Variants in HDAC9 observed in about 807,000 individuals in gnomAD.
The protein encoded by HDAC9 is MEF-2 interacting transcription repressor (MITR) protein.
HDAC9 carries 41 observed loss-of-function variants against 139.4 expected under a neutral mutation model. The ratio of observed to expected loss-of-function variants is 0.29; its 90% CI spans 0.23 to 0.38. The LOEUF is 0.38. Ranked by LOEUF, HDAC9 falls within the 10% of genes least tolerant of loss-of-function variation. The pLI, the probability that HDAC9 is intolerant of heterozygous loss-of-function variation, is 1.00. For synonymous variants in HDAC9, 517 were observed against 476.2 expected (o/e 1.09, Z -1.12); for missense variants, 1,147 against 1,297.0 (o/e 0.88, Z 1.78).
At chr7:18,492,218 A>G (rs994254835), upstream of HDAC9, among the ~76,000 whole-genome samples, 9 of 151,902 alleles carry the variant, frequency 5.9e-5, no homozygotes, top group Non-Finnish European at 1.0e-4. Context: ...AGGGATTTAG[A>G]CCTTAGGGAT....
intron 22 of HDAC9, among the ~76,000 whole-genome samples, chr7:18,891,360 A>T (rs1007756339): frequency 6.6e-6 from 1 of 152,166 alleles, no homozygotes; most frequent in Admixed American, 6.5e-5. Flanking sequence ...GCTACTTGGG[A>T]TGGTTCCAGG....
rs920003772 is a variant in HDAC9, at chr7:18,845,133, T to C, written c.2684+9136T>C. ...GTTAATATATACTATTTAGTTTGGT[T>C]TTTTGAGGGTGTGACAATTAATACA... On this transcript the variant is annotated intron_variant, in intron 21 of 25. Transcript: ENST00000686413. Among the ~76,000 whole-genome samples the C allele has an allele frequency of 3.3e-5, 5 of 152,268 alleles. No homozygotes were observed. In the East Asian group the frequency reaches 9.6e-4, roughly 29 times the overall value.
chr7:18,904,689 C>A (rs1196450961), intron 22 of HDAC9, among the ~76,000 whole-genome samples: 1 of 150,748 alleles, frequency 6.6e-6, no homozygotes, highest in Non-Finnish European at 1.5e-5. Context: ...CATTCTCCTG[C>A]CTCAGCCTTC....
At chr7:18,909,155 G>C (rs990657957) in intron 22 of HDAC9, among the ~76,000 whole-genome samples, 2 of 151,984 alleles carry the variant, frequency 1.3e-5, no homozygotes, top group African/African-American at 4.8e-5. Context: ...GGGAGGTTGA[G>C]AATATTTTCA....
intron 19 of HDAC9, among the ~76,000 whole-genome samples, chr7:18,829,772 G>T (rs184137413): frequency 6.6e-6 from 1 of 152,192 alleles, no homozygotes; most frequent in African/African-American, 2.4e-5. Context: ...AGAAGAAGGC[G>T]CAGATCAGGG....
At chr7:18,127,515 C>G (rs1014357287) in intron 1 of HDAC9, among the ~76,000 whole-genome samples, 1 of 152,020 alleles carries the variant, frequency 6.6e-6, no homozygotes, top group African/African-American at 2.4e-5. Context: ...TGCAGTTTAC[C>G]TGCTCAGGTA....
chr7:18,698,268 G>T (rs1783201638), intron 12 of HDAC9, among the ~76,000 whole-genome samples: 1 of 152,064 alleles, frequency 6.6e-6, no homozygotes, highest in Non-Finnish European at 1.5e-5. Context: ...CATTCTTAAT[G>T]CTCTAAAACG....
rs926451062 is a variant in HDAC9 at position 18,998,879 on chromosome 7, C to T, written c.*2817C>T. On this transcript the variant is annotated 3_prime_UTR_variant, in exon 26 of 26. Transcript: ENST00000686413. ...ACTAGGAATTTAATAAGCTGTCAAACGTAGGTATAAAAAGAAGGCTTAAAA... is the reference window on the plus strand; with the variant it reads ...ACTAGGAATTTAATAAGCTGTCAAATGTAGGTATAAAAAGAAGGCTTAAAA... The T allele has an allele frequency of 1.3e-5, 2 of 151,982 alleles. No homozygotes were observed. Among genetic ancestry groups the T allele is most frequent in the Non-Finnish European group, 2.9e-5 (2 of 68,004 alleles). The allele number at this position is 151,982 out of a possible 1,614,324, so 9.4% of individuals were successfully genotyped here.
chr7:18,310,809 T>TACACACACACAC (rs71847714), intron 1 of HDAC9, among the ~76,000 whole-genome samples: 1 of 143,132 alleles, frequency 7.0e-6, no homozygotes. Flanking sequence ...ACAAATCCAT[T>TACACACACACAC]ACACACACAC....
In HDAC9 at chr7:18,813,658, T is replaced by C. The variant is rs188804085; in HGVS notation, c.2323-15503T>C. ...AGAAAGGGATAAATCTTGGCAGTTA[T>C]ACATTTACTTTGTGGGAAACTACCT... On this transcript the variant is annotated intron_variant, in intron 17 of 25. Coordinates refer to ENST00000686413, the MANE Select transcript of HDAC9 (RefSeq NM_178425.4). Among the ~76,000 whole-genome samples the C allele has an allele frequency of 1.4e-4, 22 of 152,318 alleles. No homozygotes were observed. The East Asian group carries it at 3.3e-3, about 23-fold the overall frequency.
chr7:18,907,514 C>A (rs994812755), intron 22 of HDAC9, among the ~76,000 whole-genome samples: 4 of 152,200 alleles, frequency 2.6e-5, no homozygotes, highest in Admixed American at 6.5e-5. Context: ...TGTAAGAATT[C>A]CCTGCAGATT....
At chr7:18,306,700 T>C (rs527274858) in intron 1 of HDAC9, among the ~76,000 whole-genome samples, 7 of 152,328 alleles carry the variant, frequency 4.6e-5, no homozygotes, top group Admixed American at 2.6e-4. Context: ...ATATTCATGC[T>C]GGCAGGATTA....
At chr7:18,824,698 T>C (rs531561370) in intron 17 of HDAC9, among the ~76,000 whole-genome samples, 2 of 152,260 alleles carry the variant, frequency 1.3e-5, no homozygotes, top group Admixed American at 6.5e-5. Context: ...TGGAATCATA[T>C]AGTGAGAGCT....
intron 3 of HDAC9, among the ~76,000 whole-genome samples, chr7:18,585,814 C>A (rs536558658): frequency 2.0e-5 from 3 of 152,052 alleles, no homozygotes; most frequent in Admixed American, 2.0e-4. Context: ...TGTTCATTTG[C>A]CCCATCTGCT....
intron 2 of HDAC9, among the ~76,000 whole-genome samples, chr7:18,565,407 T>C (rs535934478): frequency 4.6e-5 from 7 of 152,348 alleles, no homozygotes; most frequent in Admixed American, 3.3e-4. Context: ...AATTTTTTCC[T>C]CAGCATCTTA....
chr7:18,533,220 A>G (rs1586749371), intron 2 of HDAC9, among the ~76,000 whole-genome samples: 2 of 152,056 alleles, frequency 1.3e-5, no homozygotes, highest in African/African-American at 4.8e-5. Flanking sequence ...AATATTTTCC[A>G]CACCTGCAGC....
chr7:18,604,846 T>A (rs1346785529), intron 6 of HDAC9, among the ~76,000 whole-genome samples: 1 of 152,206 alleles, frequency 6.6e-6, no homozygotes, highest in Non-Finnish European at 1.5e-5. Context: ...CATACTACTT[T>A]TAGTTCCTTT....
intron 2 of HDAC9, among the ~76,000 whole-genome samples, chr7:18,240,201 C>A (rs1458218560): frequency 1.3e-5 from 2 of 152,228 alleles, no homozygotes; most frequent in East Asian, 3.9e-4. Context: ...ACAATTAAAA[C>A]CACCATGGTA....
chr7:18,159,321 G>T (rs752397751), intron 1 of HDAC9, among the ~76,000 whole-genome samples: 20 of 151,940 alleles, frequency 1.3e-4, no homozygotes, highest in Non-Finnish European at 2.8e-4. Flanking sequence ...TCTAGTTCAG[G>T]CTTATAAGAA....
Sources: gnomAD v4.1 joint callset for allele counts (sites outside exome capture counted in the v4.1 genomes callset) on GRCh38, gnomAD v4.1.1 for gene constraint, MANE v1.5 for transcripts, NCBI Gene and HGNC (gene_info 2026-07-23, HGNC 2026-07-21) for gene names.